Variants in ATL2 observed in about 807,000 individuals in gnomAD.
ATL2 encodes atlastin GTPase 2.
Under a neutral mutation model 73.9 loss-of-function variants are expected in ATL2, and 31 were observed. That is an observed-to-expected ratio of 0.42 (90% CI 0.32 to 0.57). ATL2 has a LOEUF of 0.57. ATL2 is among the 20% of genes least tolerant of loss of function. The pLI is 0.14. For synonymous variants in ATL2, 291 were observed against 237.5 expected (o/e 1.23, Z -2.07); for missense variants, 738 against 702.6 (o/e 1.05, Z -0.57).
rs35381890 is a variant in ATL2 at position 38,331,612 on chromosome 2, CAAAA to C, written c.363+11652_363+11655del. ...TGGGCAACAGAGCAAGACTCCATCT[CAAAA>C]AAAAAAAAAAAAAAATAGAACATGT... On this transcript the variant is annotated intron_variant, in intron 2 of 12. Coordinates refer to ENST00000378954, the MANE Select transcript of ATL2 (RefSeq NM_001135673.4). Among the ~76,000 whole-genome samples the C allele has an allele frequency of 2.1e-3, 189 of 92,152 alleles. 2 individuals are homozygous for C. The highest frequency in any genetic ancestry group is 6.7e-3 in the African/African-American group (171 of 25,610). 60.5% of individuals were successfully genotyped at this position (92,152 alleles called of 152,430 possible). A position where few individuals can be genotyped will look rare whatever the true frequency, so the allele number is the denominator to read the frequency against.
Position 38,295,874 on chromosome 2 carries a change from G to C in ATL2, c.*120C>G. The C allele has an allele frequency of 1.2e-6, 1 of 809,054 alleles. No homozygotes were observed. Among genetic ancestry groups the C allele is most frequent in the East Asian group, 2.8e-5 (1 of 35,894 alleles). 50.1% of individuals were successfully genotyped at this position (809,054 alleles called of 1,614,324 possible). On this transcript the variant is annotated 3_prime_UTR_variant, in exon 13 of 13. Coordinates refer to ENST00000378954, the MANE Select transcript of ATL2 (RefSeq NM_001135673.4). ...ACACTCTGTGGCAGCCATCTGTGAA[G>C]CCAGTTACACTAAACTACTTCTACA...
At chr2:38,346,689 G>C (rs1254573028) in intron 1 of ATL2, among the ~76,000 whole-genome samples, 1 of 152,184 alleles carries the variant, frequency 6.6e-6, no homozygotes, top group Admixed American at 6.5e-5. Context: ...AGAATCTGAT[G>C]TCACCATGGG....
At chr2:38,357,909 AAAAACATACAAT>A (rs1257740805) in intron 1 of ATL2, among the ~76,000 whole-genome samples, 6 of 152,186 alleles carry the variant, frequency 3.9e-5, no homozygotes, top group African/African-American at 1.4e-4. Flanking sequence ...TAAAAATAAG[AAAAACATACAAT>A]TAAACCACTG....
chr2:38,359,417 G>A (rs1387224041), intron 1 of ATL2: 1 of 150,140 alleles, frequency 6.7e-6, no homozygotes, highest in Non-Finnish European at 1.5e-5. Context: ...GAGGGAGGTT[G>A]CAGTGAGACA....
intron 1 of ATL2, among the ~76,000 whole-genome samples, chr2:38,353,437 AAG>A (rs1408436822): frequency 1.3e-5 from 2 of 152,232 alleles, no homozygotes; most frequent in Non-Finnish European, 2.9e-5. Context: ...AAGAAAAACT[AAG>A]AGAGTCTCAC....
At chr2:38,351,621 G>A (rs926757628) in intron 1 of ATL2, among the ~76,000 whole-genome samples, 30 of 151,880 alleles carry the variant, frequency 2.0e-4, no homozygotes, top group African/African-American at 6.8e-4. Context: ...AGCCTCCAGA[G>A]TAGCTGGGAC....
chr2:38,355,231 A>G (rs926214740), intron 1 of ATL2, among the ~76,000 whole-genome samples: 1 of 152,056 alleles, frequency 6.6e-6, no homozygotes, highest in Non-Finnish European at 1.5e-5. Flanking sequence ...GGTTCAAGCA[A>G]TTCTCCTGTC....
chr2:38,321,545 G>A (rs551972489), intron 2 of ATL2, among the ~76,000 whole-genome samples: 1 of 151,990 alleles, frequency 6.6e-6, no homozygotes, highest in South Asian at 2.1e-4. Context: ...ACTTCATATT[G>A]GTCTCTATGC....
intron 1 of ATL2, among the ~76,000 whole-genome samples, chr2:38,372,209 T>C (rs1336306477): frequency 6.6e-6 from 1 of 150,596 alleles, no homozygotes; most frequent in Non-Finnish European, 1.5e-5. Flanking sequence ...CAATGCACTA[T>C]ACAGTCAAGT....
chr2:38,348,327 G>C (rs1053023243), intron 1 of ATL2, among the ~76,000 whole-genome samples: 1 of 151,890 alleles, frequency 6.6e-6, no homozygotes, highest in Non-Finnish European at 1.5e-5. Context: ...TTAGCCAGGA[G>C]TGGTGTTGCT....
intron 2 of ATL2, among the ~76,000 whole-genome samples, chr2:38,320,102 G>A (rs760852644): frequency 2.0e-5 from 3 of 152,034 alleles, no homozygotes; most frequent in Non-Finnish European, 2.9e-5. Flanking sequence ...GCGAAACTGC[G>A]TCTCAAAAAC....
At chr2:38,321,418 AGTATATATGATG>A (rs751680309) in intron 2 of ATL2, among the ~76,000 whole-genome samples, 2 of 152,164 alleles carry the variant, frequency 1.3e-5, no homozygotes, top group Non-Finnish European at 2.9e-5. Flanking sequence ...TTCCATTCAC[AGTATATATGATG>A]GACTTGTGTT....
intron 2 of ATL2, among the ~76,000 whole-genome samples, chr2:38,331,085 G>T (rs929099362): frequency 3.3e-5 from 5 of 152,008 alleles, no homozygotes; most frequent in Non-Finnish European, 5.9e-5. Flanking sequence ...TTGCCTGAGC[G>T]CAGGAGTTCG....
chr2:38,358,185 T>C (rs1478481708), intron 1 of ATL2, among the ~76,000 whole-genome samples: 2 of 152,208 alleles, frequency 1.3e-5, no homozygotes, highest in Non-Finnish European at 2.9e-5. Flanking sequence ...GTCATTCATT[T>C]AATTCTATTT....
upstream of ATL2, among the ~76,000 whole-genome samples, chr2:38,378,028 G>A (rs1363707560): frequency 1.3e-5 from 2 of 152,204 alleles, no homozygotes; most frequent in Non-Finnish European, 2.9e-5. Context: ...TTACCTAATT[G>A]TGATGAACCT....
chr2:38,342,500 T>A (rs1256240922), intron 2 of ATL2, among the ~76,000 whole-genome samples: 1 of 152,144 alleles, frequency 6.6e-6, no homozygotes, highest in East Asian at 1.9e-4. Context: ...AAACTATAGT[T>A]TATTTGACAT....
chr2:38,315,587 A>T (rs907969706), intron 4 of ATL2, among the ~76,000 whole-genome samples: 18 of 152,196 alleles, frequency 1.2e-4, no homozygotes, highest in African/African-American at 4.1e-4. Flanking sequence ...CTCATGGCCT[A>T]AAAGTGGTAG....
intron 9 of ATL2, among the ~76,000 whole-genome samples, chr2:38,308,940 GA>G (rs74338166): frequency 0.012 from 1,644 of 140,966 alleles, 22 homozygotes; most frequent in East Asian, 0.063. Context: ...AGAACAGAGG[GA>G]AAAAAAAAAA....
intron 2 of ATL2, among the ~76,000 whole-genome samples, chr2:38,321,109 G>A (rs1187217889): frequency 6.6e-6 from 1 of 152,162 alleles, no homozygotes; most frequent in Admixed American, 6.5e-5. Context: ...GGAGGTGGAG[G>A]TTGCAGTGAG....
Sources: gnomAD v4.1 joint callset for allele counts (sites outside exome capture counted in the v4.1 genomes callset) on GRCh38, gnomAD v4.1.1 for gene constraint, MANE v1.5 for transcripts, NCBI Gene and HGNC (gene_info 2026-07-23, HGNC 2026-07-21) for gene names.